Variants in PMS1 observed in about 807,000 individuals in gnomAD.
PMS1 encodes the protein PMS1 homolog 1, mismatch repair system component, also known as PMS1 protein homolog 1.
PMS1 carries 79 observed loss-of-function variants against 93.1 expected under a neutral mutation model. That is an observed-to-expected ratio of 0.85 (90% CI 0.71 to 1.02). The LOEUF (loss-of-function observed/expected upper bound fraction) is 1.02. Ranked by LOEUF, PMS1 falls within the 50% of genes least tolerant of loss-of-function variation. The pLI is 0.00. For synonymous variants in PMS1, 335 were observed against 363.4 expected, an observed-to-expected ratio of 0.92 and a Z score of 0.89; for missense variants, 1,064 against 1,085.3, an observed-to-expected ratio of 0.98 and a Z score of 0.28.
At chr2:189,791,989 C>T (rs767804838) in intron 2 of PMS1, 48 bp downstream of exon 2, 7 of 1,553,960 alleles carry the variant, frequency 4.5e-6, no homozygotes, top group Admixed American at 1.7e-5. Context: ...AGAAAAGGGT[C>T]TGGACACATG....
intron 9 of PMS1, chr2:189,857,540 A>G (rs1365198764): frequency 1.3e-5 from 6 of 453,624 alleles, no homozygotes; most frequent in Admixed American, 2.5e-5. Flanking sequence ...CGCCTCTTCT[A>G]TAGACCTTCA....
intron 4 of PMS1, among the ~76,000 whole-genome samples, chr2:189,815,888 T>G (rs1039933076): frequency 2.0e-5 from 3 of 152,232 alleles, no homozygotes; most frequent in African/African-American, 7.2e-5. Context: ...TTTTCTCATC[T>G]TGTTGTCACA....
At chr2:189,789,702 C>T (rs1187412246) in intron 1 of PMS1, among the ~76,000 whole-genome samples, 6 of 151,918 alleles carry the variant, frequency 3.9e-5, no homozygotes, top group Non-Finnish European at 8.8e-5. Flanking sequence ...TGTTTGTTTT[C>T]GGTGTTGCTA....
intron 10 of PMS1, among the ~76,000 whole-genome samples, chr2:189,866,011 C>G (rs1228886311): frequency 4.6e-5 from 7 of 152,158 alleles, no homozygotes; most frequent in Admixed American, 3.9e-4. Context: ...AATAAGGAAA[C>G]AGCAACCACA....
At chr2:189,842,788 A>G (rs1283309821) in intron 5 of PMS1, among the ~76,000 whole-genome samples, 2 of 152,222 alleles carry the variant, frequency 1.3e-5, no homozygotes, top group East Asian at 3.9e-4. Context: ...TCATTGAGCT[A>G]TAGGGCATGG....
At chr2:189,841,210 A>G (rs2053793905) in intron 5 of PMS1, among the ~76,000 whole-genome samples, 1 of 152,226 alleles carries the variant, frequency 6.6e-6, no homozygotes, top group Non-Finnish European at 1.5e-5. Context: ...CTCATCTGTA[A>G]AATGAGATAA....
At chr2:189,849,061 G>C (rs2054482739) in intron 6 of PMS1, among the ~76,000 whole-genome samples, 1 of 152,134 alleles carries the variant, frequency 6.6e-6, no homozygotes, top group South Asian at 2.1e-4. Context: ...CTTGGATGTG[G>C]AGAATCTTTA....
intron 3 of PMS1, among the ~76,000 whole-genome samples, chr2:189,802,759 C>G (rs2050004573): frequency 6.6e-6 from 1 of 152,182 alleles, no homozygotes. Context: ...TGGTTCTAAA[C>G]CAAGGACTTC....
chr2:189,787,077 A>G (rs1348653064), intron 1 of PMS1, among the ~76,000 whole-genome samples: 2 of 152,136 alleles, frequency 1.3e-5, no homozygotes, highest in African/African-American at 4.8e-5. Flanking sequence ...AAGAAAGAGA[A>G]AGATTCTCTG....
chr2:189,869,274 C>T (rs1406179851), intron 11 of PMS1, among the ~76,000 whole-genome samples: 1 of 152,224 alleles, frequency 6.6e-6, no homozygotes, highest in Non-Finnish European at 1.5e-5. Flanking sequence ...GAGCATGGTA[C>T]TTGGCAATGG....
chr2:189,818,201 A>T (rs2066458), intron 5 of PMS1, 21 bp downstream of exon 5: 21 of 1,477,224 alleles, frequency 1.4e-5, no homozygotes, highest in East Asian at 1.1e-4. Context: ...TTTTATCTTT[A>T]TAAGTTTCTG....
chr2:189,852,560 GTTTTT>G, intron 6 of PMS1, 90 bp from the exon 7 acceptor site: 1 of 1,095,500 alleles, frequency 9.1e-7, no homozygotes. Flanking sequence ...ATGAAAATCT[GTTTTT>G]TAATTTTTTT....
intron 5 of PMS1, among the ~76,000 whole-genome samples, chr2:189,839,430 G>A (rs773906605): frequency 3.9e-5 from 6 of 152,144 alleles, no homozygotes; most frequent in Admixed American, 6.5e-5. Context: ...TACATTGCAC[G>A]TAAGGGAAAC....
At chr2:189,806,677 G>GT (rs1438977759) in intron 4 of PMS1, 1 of 201,602 alleles carries the variant, frequency 5.0e-6, no homozygotes, top group African/African-American at 2.3e-5. Flanking sequence ...GATTACAGAT[G>GT]TGAGCCACTG....
chr2:189,873,553 TCTATGG>T lies in PMS1; in HGVS notation c.2532_2537del (p.Phe844_Gly846delinsLeu), dbSNP rs1473080029. 6.3e-7 allele frequency: 1 copy of T among 1,599,706 alleles called. No homozygotes were observed. Among genetic ancestry groups the T allele is most frequent in the Non-Finnish European group, 8.6e-7 (1 of 1,167,058 alleles). ...GAAGGAATGGCTAATTGTCTCCCATTCTATGGAGTAGCAGATTTAAAAGAAATTCTT... is the reference window on the plus strand; with the variant it reads ...GAAGGAATGGCTAATTGTCTCCCATTAGTAGCAGATTTAAAAGAAATTCTT... On this transcript the variant is annotated inframe_deletion, in exon 12 of 13. Transcript: ENST00000441310.
intron 5 of PMS1, among the ~76,000 whole-genome samples, chr2:189,831,608 A>G (rs1007852821): frequency 2.6e-5 from 4 of 152,178 alleles, no homozygotes; most frequent in African/African-American, 9.7e-5. Flanking sequence ...AGTTTCTCCT[A>G]TAATGTATTA....
intron 6 of PMS1, among the ~76,000 whole-genome samples, chr2:189,848,226 C>T (rs1343773373): frequency 6.6e-6 from 1 of 152,120 alleles, no homozygotes; most frequent in Non-Finnish European, 1.5e-5. Flanking sequence ...AGACTTGATA[C>T]CTTTACCATC....
Position 189,854,397 on chromosome 2 carries a change from A to C in PMS1, c.1125A>C (p.Ser375=). Residue 375 remains serine, a synonymous_variant, in exon 9 of 13, where the codon TCA becomes TCC. Transcript: ENST00000441310. Reference sequence around the variant, plus strand: ...ATGTGCTTTTTAATAAAGTGGAATCATCTGGAAAGAATTATTCAAATGTTG... The same window carrying C: ...ATGTGCTTTTTAATAAAGTGGAATCCTCTGGAAAGAATTATTCAAATGTTG... ...ETDVLFNKVE[S]SGKNYSNVDT... 6.2e-7 allele frequency: 1 copy of C among 1,603,854 alleles called. No homozygotes were observed. The highest frequency in any genetic ancestry group is 1.3e-5 in the African/African-American group (1 of 74,706).
At chr2:189,801,010 G>A (rs1034190680) in intron 3 of PMS1, among the ~76,000 whole-genome samples, 1 of 151,968 alleles carries the variant, frequency 6.6e-6, no homozygotes, top group African/African-American at 2.4e-5. Context: ...CATTATTTTT[G>A]TTTTGTTTTG....
Sources: allele counts gnomAD v4.1 joint callset (sites outside exome capture counted in the v4.1 genomes callset), GRCh38; gene constraint gnomAD v4.1.1; transcripts MANE v1.5; gene names NCBI Gene and HGNC (gene_info 2026-07-23, HGNC 2026-07-21).